The following PCDHA6 variants were observed in gnomAD, a reference collection of about 807,000 sequenced individuals.
The protein encoded by PCDHA6 is protocadherin alpha-6.
In PCDHA6, 55 loss-of-function variants were observed where a neutral mutation model predicts 60.3. The ratio of observed to expected loss-of-function variants is 0.91; its 90% CI spans 0.73 to 1.14. PCDHA6 has a LOEUF of 1.14. Among genes scored for constraint, PCDHA6 ranks in the 50% most tolerant of loss-of-function variants. The probability of loss-of-function intolerance (pLI) is 0.00; values close to 1 mark genes in which losing one functional copy is unlikely to be tolerated. For synonymous variants in PCDHA6, 652 were observed against 557.9 expected (o/e 1.17, Z -2.38); for missense variants, 1,327 against 1,256.5 (o/e 1.06, Z -0.85).
chr5:140,836,927 T>A, intron 1 of PCDHA6: 1 of 510,864 alleles, frequency 2.0e-6, no homozygotes, highest in Non-Finnish European at 3.3e-6. Context: ...TTGGGATGCG[T>A]AATACTATAG....
intron 1 of PCDHA6, among the ~76,000 whole-genome samples, chr5:140,978,421 T>C (rs969808613): frequency 2.0e-5 from 3 of 152,236 alleles, no homozygotes; most frequent in Non-Finnish European, 4.4e-5. Flanking sequence ...AAAGAGACTG[T>C]TATCAGTTGC....
intron 1 of PCDHA6, chr5:140,843,625 C>T: frequency 6.3e-7 from 1 of 1,596,072 alleles, no homozygotes; most frequent in Non-Finnish European, 8.6e-7. Flanking sequence ...CGAAGACGGA[C>T]CTCATGGCCT....
At chr5:140,883,519 CG>C in intron 1 of PCDHA6, 1 of 1,614,190 alleles carries the variant, frequency 6.2e-7, no homozygotes, top group African/African-American at 1.3e-5. Flanking sequence ...ACCGCGAGAG[CG>C]TATCAGCCTA....
intron 1 of PCDHA6, chr5:140,834,434 T>A: frequency 6.2e-7 from 1 of 1,610,706 alleles, no homozygotes; most frequent in Non-Finnish European, 8.5e-7. Context: ...TACTGCTGTT[T>A]ATTATAATTC....
chr5:140,834,707 G>T, intron 1 of PCDHA6: 1 of 1,614,262 alleles, frequency 6.2e-7, no homozygotes, highest in Non-Finnish European at 8.5e-7. Flanking sequence ...ACCTGGAGGT[G>T]ATCGTGGAAA....
chr5:140,946,763 C>T (rs1453017337), intron 1 of PCDHA6, among the ~76,000 whole-genome samples: 1 of 151,160 alleles, frequency 6.6e-6, no homozygotes, highest in Non-Finnish European at 1.5e-5. Context: ...TGATCTCATT[C>T]ATGTGGAATG....
intron 1 of PCDHA6, chr5:140,876,833 C>A: frequency 1.2e-6 from 2 of 1,614,176 alleles, no homozygotes; most frequent in Admixed American, 1.7e-5. Flanking sequence ...AATGCGCCTG[C>A]GTTCGCGCAG....
At chr5:140,938,715 C>T (rs138044331) in intron 1 of PCDHA6, among the ~76,000 whole-genome samples, 10 of 152,038 alleles carry the variant, frequency 6.6e-5, no homozygotes, top group African/African-American at 2.4e-4. Flanking sequence ...ATGATAGAAA[C>T]GCGTTTCTAC....
chr5:140,849,910 G>A, intron 1 of PCDHA6: 1 of 1,598,272 alleles, frequency 6.3e-7, no homozygotes. Flanking sequence ...CCGCCGGGCT[G>A]CCACATCTTC....
Position 140,869,160 on chromosome 5 carries a change from C to T in PCDHA6, c.2394+38675C>T, listed in dbSNP as rs201759355. 10 of 1,613,886 alleles carry T rather than the reference C, an allele frequency of 6.2e-6. No homozygotes were observed. In the East Asian group the frequency reaches 2.0e-4, roughly 32 times the overall value. On this transcript the variant is annotated intron_variant, in intron 1 of 3. Transcript: ENST00000529310. ...CCCCACGACTACAGCTCTGGCTTCT[C>T]CTCCTCGAATTCTGGGAGGTGGGGA...
intron 1 of PCDHA6, chr5:140,968,380 C>T: frequency 6.2e-7 from 1 of 1,614,072 alleles, no homozygotes; most frequent in Non-Finnish European, 8.5e-7. Context: ...ACTCCTTTGA[C>T]TATGAGAAGT....
At chr5:140,941,255 C>CTTTCTTTCTTTCTTTCTTTCTTTCTTTT (rs782490896) in intron 1 of PCDHA6, among the ~76,000 whole-genome samples, 1 of 44,508 alleles carries the variant, frequency 2.2e-5, no homozygotes, top group Non-Finnish European at 5.1e-5. Flanking sequence ...TTCTTTCTTT[C>CTTTCTTTCTTTCTTTCTTTCTTTCTTTT]TCTTTCTTTC....
intron 1 of PCDHA6, 197 bp downstream of exon 1, chr5:140,830,682 T>C: frequency 3.0e-6 from 1 of 332,166 alleles, no homozygotes; most frequent in Non-Finnish European, 5.1e-6. Flanking sequence ...GAAATCACTG[T>C]CCACAATCTG....
At chr5:140,921,943 T>C (rs2080514176) in intron 1 of PCDHA6, among the ~76,000 whole-genome samples, 1 of 151,972 alleles carries the variant, frequency 6.6e-6, no homozygotes, top group South Asian at 2.1e-4. Context: ...AATTTTACAC[T>C]TGTAAAATCC....
Position 140,902,287 on chromosome 5 carries a change from C to T in PCDHA6, c.2394+71802C>T, listed in dbSNP as rs150308530. Among the ~76,000 whole-genome samples the T allele has an allele frequency of 1.9e-3, 280 of 150,946 alleles. 2 individuals are homozygous for T. The highest frequency in any genetic ancestry group is 6.5e-3 in the African/African-American group (266 of 41,018). ...TCCTGGGCTCAAGCAATCCTCCTGC[C>T]TCAGCCTCCCAAAGTGCTGGGATTA... is the stretch of plus-strand genomic sequence containing the variant. On this transcript the variant is annotated intron_variant, in intron 1 of 3. Transcript: ENST00000529310.
intron 1 of PCDHA6, chr5:140,843,320 G>A (rs782364875): frequency 6.3e-7 from 1 of 1,596,056 alleles, no homozygotes; most frequent in Non-Finnish European, 8.6e-7. Context: ...CACGGTTCTG[G>A]TGTCGCTGGT....
Position 141,009,767 on chromosome 5 carries a change from G to T in PCDHA6, c.2683G>T (p.Ala895Ser). ...PDKFIIPGSP[A>S]IISIRQEPTN... is the part of the protein sequence containing the mutation. Reference sequence around the variant, plus strand: ...CAAATTCATTATCCCAGGATCTCCTGCAATCATCTCCATCCGGCAGGAGCC... The same window carrying T: ...CAAATTCATTATCCCAGGATCTCCTTCAATCATCTCCATCCGGCAGGAGCC... The change falls in exon 4 of 4, where the codon GCA becomes TCA. Residue 895 changes from alanine to serine, a missense_variant. Coordinates refer to ENST00000529310, the MANE Select transcript of PCDHA6 (RefSeq NM_018909.4). 1 of 1,614,108 alleles carries T rather than the reference G, an allele frequency of 6.2e-7. No individual in the cohort carries two copies. Among genetic ancestry groups the T allele is most frequent in the South Asian group, 1.1e-5 (1 of 91,072 alleles).
chr5:140,852,853 C>A, intron 1 of PCDHA6: 1 of 962,938 alleles, frequency 1.0e-6, no homozygotes, highest in Non-Finnish European at 1.3e-6. Context: ...ACTTACTAAG[C>A]ATTTACTATG....
intron 1 of PCDHA6, among the ~76,000 whole-genome samples, chr5:140,886,245 A>G (rs1241977297): frequency 6.6e-6 from 1 of 152,046 alleles, no homozygotes; most frequent in Non-Finnish European, 1.5e-5. Context: ...GAAATAAATA[A>G]AAGTATCTCT....
Sources: gnomAD v4.1 joint callset for allele counts (sites outside exome capture counted in the v4.1 genomes callset) on GRCh38, gnomAD v4.1.1 for gene constraint, MANE v1.5 for transcripts, NCBI Gene and HGNC (gene_info 2026-07-23, HGNC 2026-07-21) for gene names.